Variants in DNTTIP1 observed in about 807,000 individuals in gnomAD.
DNTTIP1 encodes deoxynucleotidyltransferase terminal interacting protein 1, also known as deoxynucleotidyltransferase terminal-interacting protein 1.
Under a neutral mutation model 52.9 loss-of-function variants are expected in DNTTIP1, and 22 were observed. That is an observed-to-expected ratio of 0.42 (90% confidence interval 0.30 to 0.59). The LOEUF (loss-of-function observed/expected upper bound fraction) is 0.59, where lower values mean the gene tolerates loss of function less well. Among genes scored for constraint, DNTTIP1 ranks in the 20% least tolerant of loss-of-function variants. DNTTIP1 has a pLI of 0.22. For synonymous variants in DNTTIP1, 136 were observed against 155.1 expected, an observed-to-expected ratio of 0.88 and a Z score of 0.92; for missense variants, 286 against 435.5, an observed-to-expected ratio of 0.66 and a Z score of 3.06.
intron 6 of DNTTIP1, among the ~76,000 whole-genome samples, 162 bp downstream of exon 6, chr20:45,801,620 C>A (rs1161185610): frequency 6.6e-6 from 1 of 151,938 alleles, no homozygotes; most frequent in African/African-American, 2.4e-5. Context: ...GAGACCCTGT[C>A]TCTAAAATAA....
At chr20:45,806,825 C>T (rs1311097808) in intron 10 of DNTTIP1, among the ~76,000 whole-genome samples, 1 of 152,204 alleles carries the variant, frequency 6.6e-6, no homozygotes, top group Non-Finnish European at 1.5e-5. Context: ...CCTGGGTGGC[C>T]TTTCTCTCCC....
intron 3 of DNTTIP1, among the ~76,000 whole-genome samples, chr20:45,794,761 C>T (rs1237633696): frequency 2.1e-5 from 3 of 142,062 alleles, no homozygotes; most frequent in Non-Finnish European, 4.6e-5. Flanking sequence ...ACAGCCTGGG[C>T]AACACAGTGG....
intron 4 of DNTTIP1, among the ~76,000 whole-genome samples, chr20:45,796,234 G>C (rs1981232786): frequency 6.6e-6 from 1 of 152,122 alleles, no homozygotes; most frequent in African/African-American, 2.4e-5. Context: ...CACACAAAAT[G>C]GTAGTGGTGG....
rs764273695 is a variant in DNTTIP1, at chr20:45,795,363, C to CT, written c.293dup (p.Asn99GlufsTer28). The CT allele has an allele frequency of 1.2e-6, 2 of 1,610,298 alleles. No individual in the cohort carries two copies. The highest frequency in any genetic ancestry group is 1.7e-6 in the Non-Finnish European group (2 of 1,178,138). On this transcript the variant is annotated frameshift_variant, in exon 4 of 13. Transcript: ENST00000372622. LOFTEE classifies it high-confidence loss of function. Reference sequence around the variant, plus strand: ...CCCCTAGTTCTTCCAGAAGGCAGCACTGAACGTGCGAGACAATGTTGGGGA... The same window carrying CT: ...CCCCTAGTTCTTCCAGAAGGCAGCACTTGAACGTGCGAGACAATGTTGGGGA...
At chr20:45,805,108 A>T in intron 8 of DNTTIP1, 38 bp from the exon 9 acceptor site, 1 of 1,584,132 alleles carries the variant, frequency 6.3e-7, no homozygotes. Context: ...CCATCAGATT[A>T]AACTTCACCC....
At chr20:45,801,357 T>C in intron 5 of DNTTIP1, 45 bp from the exon 6 acceptor site, 1 of 1,607,836 alleles carries the variant, frequency 6.2e-7, no homozygotes, top group Non-Finnish European at 8.5e-7. Context: ...GACCTGCAGC[T>C]CCCAGGCACT....
At chr20:45,792,148 C>A in intron 1 of DNTTIP1, 39 bp downstream of exon 1, 1 of 1,180,634 alleles carries the variant, frequency 8.5e-7, no homozygotes, top group Non-Finnish European at 1.1e-6. Flanking sequence ...TCAGGCCGGG[C>A]ACGGCCTCGG....
rs770269960 is a variant in DNTTIP1 at position 45,794,027 on chromosome 20, A to G, written c.273+10A>G. The stretch of plus-strand genomic sequence containing the variant: ...CAACAAGTACATGAAGGTGAGAGGG[A>G]CACAGGATAAAAAATAACAGGAGAA... On this transcript the variant is annotated intron_variant, in intron 3 of 12. Coordinates refer to ENST00000372622, the MANE Select transcript of DNTTIP1 (RefSeq NM_052951.3). The G allele has an allele frequency of 5.1e-5, 80 of 1,554,012 alleles. No individual in the cohort carries two copies. Among genetic ancestry groups the G allele is most frequent in the Non-Finnish European group, 6.6e-5 (75 of 1,141,360 alleles).
At chr20:45,810,575 C>CTTTTTTTTTTTTTTT (rs57338956) in intron 11 of DNTTIP1, among the ~76,000 whole-genome samples, 1 of 124,162 alleles carries the variant, frequency 8.1e-6, no homozygotes, top group Non-Finnish European at 1.6e-5. Flanking sequence ...TTCTTTTTTT[C>CTTTTTTTTTTTTTTT]TTTTTTTTTT....
intron 2 of DNTTIP1, among the ~76,000 whole-genome samples, chr20:45,793,537 T>C (rs905087345): frequency 2.0e-5 from 3 of 152,044 alleles, no homozygotes; most frequent in African/African-American, 7.2e-5. Flanking sequence ...CGGTCTCTAC[T>C]AAAAATACAA....
intron 8 of DNTTIP1, among the ~76,000 whole-genome samples, chr20:45,804,171 A>G (rs1416678900): frequency 1.3e-5 from 2 of 152,178 alleles, no homozygotes; most frequent in African/African-American, 4.8e-5. Context: ...TGGAAGTTTC[A>G]TAGGCATTTC....
At chr20:45,810,172 G>A (rs1981777832) in intron 11 of DNTTIP1, among the ~76,000 whole-genome samples, 1 of 152,038 alleles carries the variant, frequency 6.6e-6, no homozygotes, top group Non-Finnish European at 1.5e-5. Flanking sequence ...ATTACTCAAG[G>A]AATACACAAT....
In DNTTIP1 at chr20:45,802,046, C is replaced by T. The variant is rs781152194; in HGVS notation, c.546C>T (p.Ala182=). 43 of 1,613,920 alleles carry T rather than the reference C, an allele frequency of 2.7e-5. No individual in the cohort carries two copies. The highest frequency in any genetic ancestry group is 4.0e-5 in the African/African-American group (3 of 74,896). ...ACATCCTGTCAAGCGACCGGGCAGC[C>T]GCCGGCATGGTGTGAGTAGGGACCA... ...PGHILSSDRA[A]AGMVWKPKSC... Residue 182 remains alanine, a synonymous_variant, in exon 7 of 13, where the codon GCC becomes GCT. Transcript: ENST00000372622.
chr20:45,803,612 T>C (rs1981545095), intron 8 of DNTTIP1, among the ~76,000 whole-genome samples: 1 of 152,232 alleles, frequency 6.6e-6, no homozygotes, highest in African/African-American at 2.4e-5. Flanking sequence ...CTTCTCCTTA[T>C]AGGAGTTAGT....
At chr20:45,801,788 T>C (rs1014349572) in intron 6 of DNTTIP1, among the ~76,000 whole-genome samples, 2 of 152,148 alleles carry the variant, frequency 1.3e-5, no homozygotes, top group Non-Finnish European at 2.9e-5. Context: ...ACCCTGTCTC[T>C]CAAAAAAGGC....
chr20:45,805,232 G>A (rs1051111880), intron 9 of DNTTIP1, 28 bp downstream of exon 9: 1 of 1,613,996 alleles, frequency 6.2e-7, no homozygotes, highest in African/African-American at 1.3e-5. Flanking sequence ...GGCACTGATT[G>A]AGGAAACAGC....
intron 4 of DNTTIP1, among the ~76,000 whole-genome samples, chr20:45,799,441 C>G (rs1981350457): frequency 6.6e-6 from 1 of 152,214 alleles, no homozygotes; most frequent in Non-Finnish European, 1.5e-5. Context: ...CCCCTCTGCC[C>G]ATTCCATCCT....
chr20:45,792,563 GGT>G (rs1981064360), intron 1 of DNTTIP1, 112 bp from the exon 2 acceptor site: 3 of 773,676 alleles, frequency 3.9e-6, no homozygotes, highest in Non-Finnish European at 6.2e-6. Context: ...CGGGAGAGAT[GGT>G]GACGGATCTG....
At chr20:45,804,382 T>TA (rs1276671133) in intron 8 of DNTTIP1, among the ~76,000 whole-genome samples, 3 of 152,162 alleles carry the variant, frequency 2.0e-5, no homozygotes, top group Non-Finnish European at 4.4e-5. Context: ...CTCAGGCCCT[T>TA]AGCAGCTTTC....
Sources: gnomAD v4.1 joint callset for allele counts (sites outside exome capture counted in the v4.1 genomes callset) on GRCh38, gnomAD v4.1.1 for gene constraint, MANE v1.5 for transcripts, NCBI Gene and HGNC (gene_info 2026-07-23, HGNC 2026-07-21) for gene names.